The following EPB41L1 variants were observed in gnomAD, a reference collection of about 807,000 sequenced individuals.
EPB41L1 encodes erythrocyte membrane protein band 4.1 like 1.
In EPB41L1, 29 loss-of-function variants were observed where a neutral mutation model predicts 97.8. The observed-to-expected ratio is 0.30, with a 90% CI of 0.22 to 0.40. The LOEUF is 0.40. Ranked by LOEUF, EPB41L1 falls within the 10% of genes least tolerant of loss-of-function variation. The probability of loss-of-function intolerance (pLI) is 1.00; values close to 1 mark genes in which losing one functional copy is unlikely to be tolerated. For synonymous variants in EPB41L1, 383 were observed against 459.2 expected (o/e 0.83, Z 2.12); for missense variants, 812 against 1,162.3 (o/e 0.70, Z 4.38).
At chr20:36,127,496 G>A (rs1329556291) in intron 2 of EPB41L1, among the ~76,000 whole-genome samples, 4 of 152,110 alleles carry the variant, frequency 2.6e-5, no homozygotes. Flanking sequence ...TTAGCTGGGG[G>A]TGCTGGATCC....
At chr20:36,228,515 T>C (rs972243550) in intron 21 of EPB41L1, among the ~76,000 whole-genome samples, 3 of 152,192 alleles carry the variant, frequency 2.0e-5, no homozygotes, top group African/African-American at 7.2e-5. Flanking sequence ...GTAATGTGCA[T>C]TGATTGTGCC....
chr20:36,225,513 T>C (rs970926119), intron 21 of EPB41L1, among the ~76,000 whole-genome samples: 1 of 152,296 alleles, frequency 6.6e-6, no homozygotes, highest in South Asian at 2.1e-4. Flanking sequence ...GTAGCATTGA[T>C]GCAAAGAACT....
chr20:36,214,228 G>A (rs1343171313), intron 16 of EPB41L1, 129 bp from the exon 17 acceptor site: 7 of 696,548 alleles, frequency 1.0e-5, no homozygotes. Context: ...TGGTCTGTGT[G>A]CAGCCCCCTG....
At chr20:36,136,948 C>G (rs965235063) in intron 2 of EPB41L1, among the ~76,000 whole-genome samples, 4 of 152,066 alleles carry the variant, frequency 2.6e-5, no homozygotes, top group Non-Finnish European at 5.9e-5. Flanking sequence ...TGCAGTGGCA[C>G]GATCACTGCA....
At chr20:36,152,120 A>G (rs1354822564), upstream of EPB41L1, 1 of 152,278 alleles carries the variant, frequency 6.6e-6, no homozygotes, top group African/African-American at 2.4e-5. Context: ...AAAGAAAAAA[A>G]AAAAGATGAG....
chr20:36,188,031 T>A (rs2061758264), intron 8 of EPB41L1, among the ~76,000 whole-genome samples: 1 of 152,204 alleles, frequency 6.6e-6, no homozygotes, highest in African/African-American at 2.4e-5. Flanking sequence ...AGTTTATTTC[T>A]ATATCCCTAG....
intron 1 of EPB41L1, among the ~76,000 whole-genome samples, chr20:36,158,990 G>A (rs1344986626): frequency 6.6e-6 from 1 of 152,202 alleles, no homozygotes; most frequent in East Asian, 1.9e-4. Flanking sequence ...CCACAGGAGA[G>A]GGTGGACGTG....
intron 2 of EPB41L1, among the ~76,000 whole-genome samples, chr20:36,114,784 G>C (rs1040155695): frequency 6.6e-6 from 1 of 152,114 alleles, no homozygotes; most frequent in African/African-American, 2.4e-5. Context: ...TCAATCCAAG[G>C]GAAGGACTCT....
Position 36,093,136 on chromosome 20 carries a change from G to T in EPB41L1, c.-65+1524G>T, listed in dbSNP as rs985018723. Among the ~76,000 whole-genome samples the T allele has an allele frequency of 9.3e-5, 14 of 150,780 alleles. No individual in the cohort carries two copies. The highest frequency in any genetic ancestry group is 1.8e-4 in the Non-Finnish European group (12 of 67,592). ...GTGCATCTGTGTGTGCGTGTGTGAG[G>T]GTGTGTGCCTTGCGTGTCTTCGCGA... On this transcript the variant is annotated intron_variant, in intron 1 of 19. Transcript: ENST00000202028. The surrounding 1 kb of genome is among the most constrained non-coding windows in gnomAD (Gnocchi z 5.4).
chr20:36,191,903 T>C (rs746618158), intron 11 of EPB41L1, among the ~76,000 whole-genome samples: 4 of 152,202 alleles, frequency 2.6e-5, no homozygotes, highest in Non-Finnish European at 5.9e-5. Context: ...ATCATTATTG[T>C]TTTTAGGTTT....
rs769218155 is a variant in EPB41L1 at position 36,207,474 on chromosome 20, C to T, written c.1669-2014C>T. On this transcript the variant is annotated intron_variant, in intron 14 of 21. Coordinates refer to ENST00000338074, the MANE Select transcript of EPB41L1 (RefSeq NM_012156.2). The surrounding 1 kb of genome is among the most constrained non-coding windows in gnomAD (Gnocchi z 4.9). ...ACAAAATTCGGATATTTGAGACCCACGGAGCTGAAACTCGCCGAATGAGTG... is the reference window on the plus strand; with the variant it reads ...ACAAAATTCGGATATTTGAGACCCATGGAGCTGAAACTCGCCGAATGAGTG... 51 of 1,289,724 alleles carry T rather than the reference C, an allele frequency of 4.0e-5. No homozygotes were observed. The highest frequency in any genetic ancestry group is 1.1e-4 in the South Asian group (9 of 81,038). The allele number at this position is 1,289,724 out of a possible 1,614,324, so 79.9% of individuals were successfully genotyped here.
At chr20:36,219,605 C>G in intron 18 of EPB41L1, 156 bp from the exon 19 acceptor site, 1 of 681,462 alleles carries the variant, frequency 1.5e-6, no homozygotes, top group Non-Finnish European at 2.7e-6. Flanking sequence ...GTCTAGTTTT[C>G]TGAAGATTCT....
In EPB41L1 at chr20:36,154,829, G is replaced by C; in HGVS notation, c.-82G>C. ...CCCGCGCCGCCCCGCCCCGCGGCCT[G>C]CCTGCCAGAGGAGCCGAGGGGGCCG... On this transcript the variant is annotated 5_prime_UTR_variant, in exon 1 of 22. Coordinates refer to ENST00000338074, the MANE Select transcript of EPB41L1 (RefSeq NM_012156.2). This position sits in a 1 kb window ranked among gnomAD's most constrained non-coding sequence, Gnocchi z 5.5. The C allele has an allele frequency of 1.0e-6, 1 of 994,290 alleles. No individual in the cohort carries two copies. The allele number at this position is 994,290 out of a possible 1,614,324, so 61.6% of individuals were successfully genotyped here. A position where few individuals can be genotyped will look rare whatever the true frequency, so the allele number is the denominator to read the frequency against.
At chr20:36,174,068 T>A in intron 2 of EPB41L1, 114 bp downstream of exon 2, 1 of 1,140,104 alleles carries the variant, frequency 8.8e-7, no homozygotes, top group Non-Finnish European at 1.3e-6. Context: ...TAAGATTTAT[T>A]AGTGACCTGT....
chr20:36,177,728 C>T (rs1362900595), intron 3 of EPB41L1, among the ~76,000 whole-genome samples: 2 of 152,238 alleles, frequency 1.3e-5, no homozygotes, highest in African/African-American at 2.4e-5. Context: ...AAACCACCAC[C>T]AGAACTTGGA....
chr20:36,130,469 G>A (rs904253275), intron 2 of EPB41L1, among the ~76,000 whole-genome samples: 1 of 152,098 alleles, frequency 6.6e-6, no homozygotes, highest in African/African-American at 2.4e-5. Flanking sequence ...CTTCCGTGTC[G>A]TTACTGAGGA....
intron 2 of EPB41L1, among the ~76,000 whole-genome samples, chr20:36,139,594 AG>A (rs1345273329): frequency 1.3e-5 from 2 of 152,350 alleles, no homozygotes; most frequent in East Asian, 3.9e-4. Context: ...TCACAGCACT[AG>A]CTCAGCGCTT....
chr20:36,179,796 C>T (rs927834613), intron 5 of EPB41L1, among the ~76,000 whole-genome samples: 2 of 152,154 alleles, frequency 1.3e-5, no homozygotes, highest in Non-Finnish European at 2.9e-5. Flanking sequence ...GGAGGGGGCT[C>T]GAGGAATTCT....
At chr20:36,146,750 C>G (rs55646058) in intron 2 of EPB41L1, among the ~76,000 whole-genome samples, 2 of 151,886 alleles carry the variant, frequency 1.3e-5, no homozygotes, top group African/African-American at 4.8e-5. Context: ...TGTTTGTGAT[C>G]TGACAGCAGA....
Sources: allele counts gnomAD v4.1 joint callset (sites outside exome capture counted in the v4.1 genomes callset), GRCh38; gene constraint gnomAD v4.1.1; non-coding constraint Gnocchi (gnomAD v3.1); transcripts MANE v1.5; gene names NCBI Gene and HGNC (gene_info 2026-07-23, HGNC 2026-07-21).